The following MRTFB variants were observed in gnomAD, a reference collection of about 807,000 sequenced individuals.
The protein encoded by MRTFB is myocardin-related transcription factor B.
Under a neutral mutation model 104.2 loss-of-function variants are expected in MRTFB, and 29 were observed. The ratio of observed to expected loss-of-function variants is 0.28; its 90% confidence interval spans 0.21 to 0.38. MRTFB has a LOEUF of 0.38. Among genes scored for constraint, MRTFB ranks in the 10% least tolerant of loss-of-function variants. The pLI is 1.00. For synonymous variants in MRTFB, 535 were observed against 519.5 expected (o/e 1.03, Z -0.41); for missense variants, 1,270 against 1,341.6 (o/e 0.95, Z 0.83).
At chr16:14,224,509 C>T (rs1268371194) in intron 8 of MRTFB, among the ~76,000 whole-genome samples, 1 of 152,140 alleles carries the variant, frequency 6.6e-6, no homozygotes, top group African/African-American at 2.4e-5. Flanking sequence ...ATTCAATAAA[C>T]TCCAAAGACA....
At chr16:14,001,326 T>C in the MRTFB span, among the ~76,000 whole-genome samples, 1 of 152,186 alleles carries the variant, frequency 6.6e-6, no homozygotes, top group East Asian at 1.9e-4. Flanking sequence ...TCGGCTCCAT[T>C]ATCTGCTGTG....
rs1160198313 is a variant in MRTFB, at chr16:14,253,162, A to G, written c.2703+660A>G. Among the ~76,000 whole-genome samples the G allele has an allele frequency of 3.9e-5, 6 of 152,286 alleles. No homozygotes were observed. In the East Asian group the frequency reaches 1.2e-3, roughly 29 times the overall value. ...TTAGGGTTCCTATTTGTAAAAGCAT[A>G]TGGCCCATGGTGGGTGCCCAGTCAT... On this transcript the variant is annotated intron_variant, in intron 15 of 16. Transcript: ENST00000571589.
At chr16:14,049,886 C>A in the MRTFB span, among the ~76,000 whole-genome samples, 1 of 152,208 alleles carries the variant, frequency 6.6e-6, no homozygotes, top group African/African-American at 2.4e-5. Flanking sequence ...GCATGTATCA[C>A]CAGGCCTGGC....
chr16:14,151,263 A>C (rs2038600607), intron 3 of MRTFB: 1 of 152,224 alleles, frequency 6.6e-6, no homozygotes, highest in Admixed American at 6.5e-5. Context: ...TTATGGTAGT[A>C]AATGATAAAA....
Position 14,243,864 on chromosome 16 carries a change from G to GTTTGTTTTTTTTTTTTTTTTTTTTT in MRTFB, c.1080-1661_1080-1660insGTTTTTTTTTTTTTTTTTTTTTTTT, listed in dbSNP as rs750881308. ...CAGAGATTAGTTTTGCCTGTTTTGG[G>GTTTGTTTTTTTTTTTTTTTTTTTTT]TTTTTTTTTTTTTGAGACAGAGTCT... On this transcript the variant is annotated intron_variant, in intron 10 of 16. Transcript: ENST00000571589. Among the ~76,000 whole-genome samples, 276 of 124,598 alleles carry GTTTGTTTTTTTTTTTTTTTTTTTTT rather than the reference G, an allele frequency of 2.2e-3. 23 individuals are homozygous for GTTTGTTTTTTTTTTTTTTTTTTTTT. Among genetic ancestry groups the GTTTGTTTTTTTTTTTTTTTTTTTTT allele is most frequent in the African/African-American group, 0.01 (266 of 26,430 alleles). 81.7% of individuals were successfully genotyped at this position (124,598 alleles called of 152,430 possible).
chr16:14,035,898 T>A, the MRTFB span, among the ~76,000 whole-genome samples: 2 of 151,278 alleles, frequency 1.3e-5, no homozygotes, highest in African/African-American at 2.4e-5. Flanking sequence ...TCCCTCTGAG[T>A]CCCCAAGGCC....
At chr16:13,999,927 G>C in the MRTFB span, among the ~76,000 whole-genome samples, 3 of 152,214 alleles carry the variant, frequency 2.0e-5, no homozygotes, top group Non-Finnish European at 2.9e-5. Context: ...TTTCTAGGAG[G>C]AAGTAAGCCT....
At chr16:14,213,041 GC>G (rs2041262286) in intron 5 of MRTFB, among the ~76,000 whole-genome samples, 1 of 152,140 alleles carries the variant, frequency 6.6e-6, no homozygotes, top group South Asian at 2.1e-4. Context: ...TTTCTAGAAT[GC>G]AATAATGATT....
At chr16:14,143,880 GA>G (rs2038155522) in intron 3 of MRTFB, 1 of 152,140 alleles carries the variant, frequency 6.6e-6, no homozygotes. Context: ...ATTACCTAGT[GA>G]AAAGGAGGTT....
chr16:14,187,302 C>T (rs1472529723), intron 3 of MRTFB, among the ~76,000 whole-genome samples: 1 of 152,156 alleles, frequency 6.6e-6, no homozygotes, highest in Non-Finnish European at 1.5e-5. Flanking sequence ...GTAAAATCTT[C>T]CCAGGTTCAT....
chr16:13,996,831 C>T, the MRTFB span, among the ~76,000 whole-genome samples: 1 of 152,148 alleles, frequency 6.6e-6, no homozygotes, highest in East Asian at 1.9e-4. Flanking sequence ...ACCGACGGCT[C>T]TCTGTAGAAG....
chr16:14,197,712 C>A (rs1418215964), intron 3 of MRTFB, among the ~76,000 whole-genome samples: 1 of 151,858 alleles, frequency 6.6e-6, no homozygotes, highest in Non-Finnish European at 1.5e-5. Context: ...TCTAGTAGGG[C>A]AAATAGAGGC....
At chr16:14,152,656 T>A (rs1016875776) in intron 3 of MRTFB, 1 of 152,180 alleles carries the variant, frequency 6.6e-6, no homozygotes, top group African/African-American at 2.4e-5. Flanking sequence ...GGGATTTATT[T>A]GGCTTGTAGT....
chr16:14,255,467 C>T (rs1375922800), intron 15 of MRTFB, among the ~76,000 whole-genome samples: 7 of 152,130 alleles, frequency 4.6e-5, no homozygotes, highest in Non-Finnish European at 8.8e-5. Context: ...TGCAACAGCA[C>T]GTTTAGAAGT....
chr16:14,158,753 A>G (rs1439880139), intron 3 of MRTFB, among the ~76,000 whole-genome samples: 1 of 152,192 alleles, frequency 6.6e-6, no homozygotes, highest in African/African-American at 2.4e-5. Flanking sequence ...AAGACATTCT[A>G]TAGTCAACCA....
At chr16:14,045,524 C>T in the MRTFB span, among the ~76,000 whole-genome samples, 1 of 152,176 alleles carries the variant, frequency 6.6e-6, no homozygotes, top group East Asian at 1.9e-4. Context: ...CCTGTTACAC[C>T]ACCTGCCAAG....
chr16:14,137,122 A>C (rs2037761156), intron 2 of MRTFB, among the ~76,000 whole-genome samples: 1 of 152,184 alleles, frequency 6.6e-6, no homozygotes, highest in African/African-American at 2.4e-5. Context: ...GAGAGTAGTC[A>C]ATTCTATGTG....
At chr16:14,112,760 G>T (rs1328567970) in intron 2 of MRTFB, among the ~76,000 whole-genome samples, 4 of 152,122 alleles carry the variant, frequency 2.6e-5, no homozygotes, top group African/African-American at 9.7e-5. Flanking sequence ...ACTTGCTATT[G>T]CCATCCAACA....
At chr16:14,126,441 T>C (rs1423940957) in intron 2 of MRTFB, among the ~76,000 whole-genome samples, 1 of 152,196 alleles carries the variant, frequency 6.6e-6, no homozygotes, top group African/African-American at 2.4e-5. Flanking sequence ...TTGGTAGAAA[T>C]AAACTTTTTT....
Sources: gnomAD v4.1 joint callset for allele counts (sites outside exome capture counted in the v4.1 genomes callset) on GRCh38, gnomAD v4.1.1 for gene constraint, MANE v1.5 for transcripts, NCBI Gene and HGNC (gene_info 2026-07-23, HGNC 2026-07-21) for gene names.